The following PML variants were observed in gnomAD, a reference collection of about 807,000 sequenced individuals.
PML encodes the protein PML nuclear body scaffold, also known as protein PML.
Under a neutral mutation model 65.2 loss-of-function variants are expected in PML, and 28 were observed. That is an observed-to-expected ratio of 0.43 (90% CI 0.32 to 0.59). The LOEUF (loss-of-function observed/expected upper bound fraction) is 0.59, where lower values mean the gene tolerates loss of function less well. PML is among the 20% of genes least tolerant of loss of function. PML has a pLI of 0.08. For missense variants in PML, 1,021 were observed against 1,203.4 expected (o/e 0.85, Z 2.24); for synonymous variants, 500 against 508.8 (o/e 0.98, Z 0.23).
rs1287658510 is a variant in PML, at chr15:74,037,628, T to C, written c.1710+3098T>C. 2 of 985,322 alleles carry C rather than the reference T, an allele frequency of 2.0e-6. No homozygotes were observed. Among genetic ancestry groups the C allele is most frequent in the African/African-American group, 3.5e-5 (2 of 57,240 alleles). The allele number at this position is 985,322 out of a possible 1,614,324, so 61.0% of individuals were successfully genotyped here. A position where few individuals can be genotyped will look rare whatever the true frequency, so the allele number is the denominator to read the frequency against. ...TCCCCGCCAGTACCAGGGTGGCCTCTGTGCCTCTAGGTGCAGTGTCGCGTT... is the reference window on the plus strand; with the variant it reads ...TCCCCGCCAGTACCAGGGTGGCCTCCGTGCCTCTAGGTGCAGTGTCGCGTT... On this transcript the variant is annotated intron_variant, in intron 7 of 8. Coordinates refer to ENST00000268058, the MANE Select transcript of PML (RefSeq NM_033238.3). This position sits in a 1 kb window ranked among gnomAD's most constrained non-coding sequence, Gnocchi z 4.2.
intron 7 of PML, among the ~76,000 whole-genome samples, chr15:74,040,718 T>TCC (rs2071677714): frequency 6.6e-6 from 1 of 152,190 alleles, no homozygotes; most frequent in Non-Finnish European, 1.5e-5. Context: ...CCATACTTTA[T>TCC]GGAAGTCCCC....
chr15:73,999,694 T>A (rs948032061), intron 2 of PML, among the ~76,000 whole-genome samples: 1 of 144,318 alleles, frequency 6.9e-6, no homozygotes, highest in South Asian at 2.3e-4. Flanking sequence ...AAGAAAAAAA[T>A]GTATGCATTT....
chr15:74,018,053 TCACGCCTGTAA>T (rs1194593031), intron 2 of PML, among the ~76,000 whole-genome samples: 2 of 152,150 alleles, frequency 1.3e-5, no homozygotes, highest in Non-Finnish European at 2.9e-5. Context: ...GCGTGGTGGC[TCACGCCTGTAA>T]TCCCAGCACT....
Position 74,044,547 on chromosome 15 carries a change from G to A in PML, c.2188G>A (p.Ala730Thr), listed in dbSNP as rs1047741654. 6.2e-7 allele frequency: 1 copy of A among 1,613,404 alleles called. No homozygotes were observed. Among genetic ancestry groups the A allele is most frequent in the Non-Finnish European group, 8.5e-7 (1 of 1,180,020 alleles). ...GASSFKLKNL[A>T]QTYLARNMSE... ...CAGCAGCTTCAAACTCAAGAACCTG[G>A]CCCAGACCTACCTGGCGAGAAACAT... The change falls in exon 9 of 9, where the codon GCC (alanine) becomes ACC (threonine). Residue 730 changes from alanine (A) to threonine (T), a missense_variant. Physicochemically the swap from Ala to Thr is moderately conservative, Grantham distance 58. Transcript: ENST00000268058.
rs1481640728 is a variant in PML at position 74,044,588 on chromosome 15, C to T, written c.2229C>T (p.Ala743=). 6.2e-7 allele frequency: 1 copy of T among 1,609,648 alleles called. No individual in the cohort carries two copies. Among genetic ancestry groups the T allele is most frequent in the East Asian group, 2.2e-5 (1 of 44,876 alleles). Residue 743 remains alanine, a synonymous_variant, in exon 9 of 9, where the codon GCC becomes GCT. Coordinates refer to ENST00000268058, the MANE Select transcript of PML (RefSeq NM_033238.3). ...CGAGAAACATGAGCGAGCGCAGCGC[C>T]ATGGCTGCCGTGCTGGCCATGCGTG... ...YLARNMSERS[A]MAAVLAMRDL...
At position 74,047,263 on chromosome 15, in the gene PML, A is replaced by G. The variant is rs1218626159; in HGVS notation, c.*2255A>G. Reference sequence around the variant, plus strand: ...ATGAATGTGTTGTCTTGGCCATCACAGGTGGAGCTTCAGTTAGTACCCGAG... The same window carrying G: ...ATGAATGTGTTGTCTTGGCCATCACGGGTGGAGCTTCAGTTAGTACCCGAG... On this transcript the variant is annotated 3_prime_UTR_variant, in exon 9 of 9. Coordinates refer to ENST00000268058, the MANE Select transcript of PML (RefSeq NM_033238.3). 1 of 230,302 alleles carries G rather than the reference A, an allele frequency of 4.3e-6. No individual in the cohort carries two copies. Among genetic ancestry groups the G allele is most frequent in the African/African-American group, 2.2e-5 (1 of 45,130 alleles). 14.3% of individuals were successfully genotyped at this position (230,302 alleles called of 1,614,324 possible). A position where few individuals can be genotyped will look rare whatever the true frequency, so the allele number is the denominator to read the frequency against.
chr15:74,033,370 T>A lies in PML; in HGVS notation c.1613T>A (p.Phe538Tyr), dbSNP rs2071404300. 1.9e-6 allele frequency: 3 copies of A among 1,613,440 alleles called. No homozygotes were observed. The highest frequency in any genetic ancestry group is 2.2e-5 in the East Asian group (1 of 44,848). The stretch of plus-strand genomic sequence containing the variant: ...AGCCCCGTCATAGGAAGTGAGGTCT[T>A]CCTGCCCAACAGCAACCACGTGGCC... ...PRSPVIGSEV[F>Y]LPNSNHVASG... The change falls in exon 6 of 9, where the codon TTC (phenylalanine) becomes TAC (tyrosine). Residue 538 changes from phenylalanine to tyrosine, a missense_variant. Transcript: ENST00000268058.
Position 74,035,293 on chromosome 15 carries a change from G to A in PML, c.1710+763G>A, listed in dbSNP as rs144234369. 32 of 1,613,008 alleles carry A rather than the reference G, an allele frequency of 2.0e-5. No individual in the cohort carries two copies. The highest frequency in any genetic ancestry group is 2.5e-5 in the Non-Finnish European group (30 of 1,179,952). The stretch of plus-strand genomic sequence containing the variant: ...CTGCTGAGAGCACAAGGAGCCTCCA[G>A]CCTGCCCTGTGGCACATACCACCCC... On this transcript the variant is annotated intron_variant, in intron 7 of 8. Coordinates refer to ENST00000268058, the MANE Select transcript of PML (RefSeq NM_033238.3). The surrounding 1 kb of genome is among the most constrained non-coding windows in gnomAD (Gnocchi z 4.1).
chr15:74,030,205 G>A (rs2071257341), intron 4 of PML, among the ~76,000 whole-genome samples: 2 of 152,192 alleles, frequency 1.3e-5, no homozygotes, highest in African/African-American at 4.8e-5. Flanking sequence ...TGAGGAAGGT[G>A]TATCCCTGCC....
chr15:74,041,386 C>G (rs2071692925), intron 7 of PML: 1 of 152,254 alleles, frequency 6.6e-6, no homozygotes, highest in Admixed American at 6.5e-5. Flanking sequence ...GTAGAAGGCT[C>G]CTTACAGGGA....
intron 2 of PML, among the ~76,000 whole-genome samples, chr15:74,001,033 C>G (rs1017729458): frequency 1.3e-5 from 2 of 152,106 alleles, no homozygotes; most frequent in Non-Finnish European, 2.9e-5. Flanking sequence ...TCTGTTTTGG[C>G]TCTTGTGTCA....
chr15:74,032,742 C>G, intron 5 of PML, 27 bp downstream of exon 5: 1 of 1,613,466 alleles, frequency 6.2e-7, no homozygotes, highest in East Asian at 2.2e-5. Flanking sequence ...CCCCAGCCTT[C>G]CCTCCTGAAG....
chr15:74,034,652 A>G, intron 7 of PML, 122 bp downstream of exon 7: 2 of 1,602,934 alleles, frequency 1.2e-6, no homozygotes, highest in South Asian at 2.2e-5. Flanking sequence ...CCAGTGAGGC[A>G]TTGAGTCCCA....
intron 7 of PML, among the ~76,000 whole-genome samples, chr15:74,036,674 C>A (rs1482647753): frequency 6.6e-6 from 1 of 152,154 alleles, no homozygotes; most frequent in Non-Finnish European, 1.5e-5. Flanking sequence ...CACCTGCCCA[C>A]CCTCATTGAG....
chr15:74,038,567 T>C lies in PML; in HGVS notation c.1710+4037T>C, dbSNP rs866605507. Among the ~76,000 whole-genome samples the C allele has an allele frequency of 3.7e-4, 56 of 152,246 alleles. 2 individuals carry two copies. The South Asian group carries it at 6.2e-3, about 17-fold the overall frequency. ...ACCCCAACAAATTAGGTCCCCCCTA[T>C]GCATTTCTCACCCAACTTCTGGGCC... On this transcript the variant is annotated intron_variant, in intron 7 of 8. Transcript: ENST00000268058.
At chr15:74,001,063 A>G (rs552361605) in intron 2 of PML, among the ~76,000 whole-genome samples, 2 of 152,312 alleles carry the variant, frequency 1.3e-5, no homozygotes, top group South Asian at 2.1e-4. Context: ...AAGATTTTCC[A>G]GTTCATCCTG....
intron 2 of PML, 93 bp downstream of exon 2, chr15:73,998,569 A>G: frequency 4.4e-6 from 5 of 1,130,102 alleles, no homozygotes; most frequent in Non-Finnish European, 6.5e-6. Flanking sequence ...AGCTGAGGAC[A>G]AGGAGCTTCT....
chr15:74,005,651 C>G (rs2070010704), intron 2 of PML, among the ~76,000 whole-genome samples: 1 of 151,768 alleles, frequency 6.6e-6, no homozygotes, highest in Admixed American at 6.6e-5. Context: ...TTCTTGGCAG[C>G]CTGCTCTTGT....
At position 74,033,301 on chromosome 15, in the gene PML, A is replaced by G. The variant is rs749109993; in HGVS notation, c.1544A>G (p.Lys515Arg). The G allele has an allele frequency of 6.2e-7, 1 of 1,614,222 alleles. No homozygotes were observed. The highest frequency in any genetic ancestry group is 1.1e-5 in the South Asian group (1 of 91,088). The change falls in exon 6 of 9, where the codon AAG becomes AGG. Residue 515 changes from lysine to arginine, a missense_variant. Coordinates refer to ENST00000268058, the MANE Select transcript of PML (RefSeq NM_033238.3). ...SPEQPRPSTSKAVSPPHLDGP... is the reference protein window; with the variant it reads ...SPEQPRPSTSRAVSPPHLDGP... ...GAGCAGCCCAGGCCCAGCACCTCCA[A>G]GGCAGTCTCACCACCCCACCTGGAT...
Sources: gnomAD v4.1 joint callset for allele counts (sites outside exome capture counted in the v4.1 genomes callset) on GRCh38, gnomAD v4.1.1 for gene constraint, Gnocchi (gnomAD v3.1) non-coding constraint, MANE v1.5 for transcripts, NCBI Gene and HGNC (gene_info 2026-07-23, HGNC 2026-07-21) for gene names.